VWA8: variants seen among roughly 807,000 people sequenced by gnomAD.
VWA8 encodes the protein von Willebrand factor A domain-containing protein 8.
In VWA8, 221 loss-of-function variants were observed where a neutral mutation model predicts 241.5. The observed-to-expected ratio is 0.91, with a 90% CI of 0.82 to 1.02. The LOEUF is 1.02. Among genes scored for constraint, VWA8 ranks in the 50% least tolerant of loss-of-function variants. The probability of loss-of-function intolerance (pLI) is 0.00; values close to 1 mark genes in which losing one functional copy is unlikely to be tolerated. For missense variants in VWA8, 2,322 were observed against 2,328.7 expected, an observed-to-expected ratio of 1.00 and a Z score of 0.06; for synonymous variants, 852 against 827.1, an observed-to-expected ratio of 1.03 and a Z score of -0.52.
At chr13:41,651,104 T>C (rs1358461923) in intron 37 of VWA8, among the ~76,000 whole-genome samples, 1 of 151,812 alleles carries the variant, frequency 6.6e-6, no homozygotes, top group African/African-American at 2.4e-5. Flanking sequence ...CAATGGAACA[T>C]GTGAGAGAAG....
At chr13:41,775,314 T>A (rs531842868) in intron 20 of VWA8, among the ~76,000 whole-genome samples, 1 of 152,338 alleles carries the variant, frequency 6.6e-6, no homozygotes, top group South Asian at 2.1e-4. Context: ...ACTCTTTTGA[T>A]ATGAAAAGGG....
intron 21 of VWA8, among the ~76,000 whole-genome samples, chr13:41,745,015 A>AT (rs914504434): frequency 6.6e-6 from 1 of 151,242 alleles, no homozygotes; most frequent in African/African-American, 2.4e-5. Flanking sequence ...TTTCTTTGGT[A>AT]TTTTTTTAGT....
intron 17 of VWA8, among the ~76,000 whole-genome samples, chr13:41,798,783 TTCTTA>T (rs1869819255): frequency 6.6e-6 from 1 of 152,172 alleles, no homozygotes; most frequent in Non-Finnish European, 1.5e-5. Flanking sequence ...ATGTTGGATT[TTCTTA>T]TCTTATTCTA....
At chr13:41,840,157 T>C (rs1442971818) in intron 12 of VWA8, among the ~76,000 whole-genome samples, 1 of 152,060 alleles carries the variant, frequency 6.6e-6, no homozygotes, top group East Asian at 1.9e-4. Flanking sequence ...TTCACTCATG[T>C]TTTGGCTGTT....
chr13:41,957,038 C>T (rs1217757979), intron 1 of VWA8, among the ~76,000 whole-genome samples: 2 of 152,096 alleles, frequency 1.3e-5, no homozygotes, highest in Admixed American at 6.5e-5. Flanking sequence ...GTCAGGAGTT[C>T]GAGACCAGCC....
At chr13:41,897,631 C>CG (rs1875180002) in intron 4 of VWA8, among the ~76,000 whole-genome samples, 1 of 151,920 alleles carries the variant, frequency 6.6e-6, no homozygotes, top group African/African-American at 2.4e-5. Context: ...CAGACCCTCG[C>CG]GGTGTGTGTT....
chr13:41,910,158 T>A (rs1875923740), intron 3 of VWA8, among the ~76,000 whole-genome samples: 1 of 152,240 alleles, frequency 6.6e-6, no homozygotes, highest in Non-Finnish European at 1.5e-5. Flanking sequence ...TGTTGCATTT[T>A]TGAACCAACG....
At chr13:41,928,513 G>T (rs1284105847) in intron 2 of VWA8, among the ~76,000 whole-genome samples, 1 of 152,072 alleles carries the variant, frequency 6.6e-6, no homozygotes, top group Non-Finnish European at 1.5e-5. Context: ...GGGCCAAGAA[G>T]AAACCAAAAG....
At chr13:41,580,862 C>A (rs894097426) in intron 42 of VWA8, among the ~76,000 whole-genome samples, 1 of 152,150 alleles carries the variant, frequency 6.6e-6, no homozygotes, top group Non-Finnish European at 1.5e-5. Flanking sequence ...TTCCTACCCC[C>A]CAAATTCTAT....
At chr13:41,827,587 A>T (rs1248742258) in intron 14 of VWA8, among the ~76,000 whole-genome samples, 1 of 152,206 alleles carries the variant, frequency 6.6e-6, no homozygotes, top group African/African-American at 2.4e-5. Flanking sequence ...GTGCATGTTT[A>T]ACAGTGGTAA....
intron 13 of VWA8, among the ~76,000 whole-genome samples, chr13:41,831,999 C>T (rs1416744178): frequency 2.1e-5 from 3 of 142,638 alleles, no homozygotes; most frequent in South Asian, 2.3e-4. Flanking sequence ...GGCGCCATCT[C>T]GGCTCACTGC....
At chr13:41,687,640 G>T (rs2045145751) in intron 34 of VWA8, among the ~76,000 whole-genome samples, 1 of 151,922 alleles carries the variant, frequency 6.6e-6, no homozygotes, top group African/African-American at 2.4e-5. Flanking sequence ...TTTTTCATTT[G>T]TAAAACCTCA....
chr13:41,933,903 A>G (rs1485486661), intron 2 of VWA8, among the ~76,000 whole-genome samples: 1 of 152,006 alleles, frequency 6.6e-6, no homozygotes, highest in Non-Finnish European at 1.5e-5. Context: ...CTCGGTTAAC[A>G]AAGATTTTTT....
At chr13:41,720,400 T>C (rs2045380030) in intron 25 of VWA8, among the ~76,000 whole-genome samples, 1 of 152,154 alleles carries the variant, frequency 6.6e-6, no homozygotes, top group Non-Finnish European at 1.5e-5. Context: ...CTTGATTTCT[T>C]TCCATATATT....
chr13:41,897,508 T>A (rs984281061), intron 4 of VWA8, among the ~76,000 whole-genome samples: 3 of 152,128 alleles, frequency 2.0e-5, no homozygotes, highest in Admixed American at 2.0e-4. Context: ...CTTCAAAAGT[T>A]TAAAAGAGGA....
intron 20 of VWA8, among the ~76,000 whole-genome samples, chr13:41,770,701 G>T (rs948039396): frequency 2.6e-5 from 4 of 151,688 alleles, no homozygotes; most frequent in African/African-American, 9.7e-5. Context: ...AAAACATGAA[G>T]AAAATGAAAA....
chr13:41,749,934 T>C (rs2045641964), intron 21 of VWA8, among the ~76,000 whole-genome samples: 1 of 151,720 alleles, frequency 6.6e-6, no homozygotes, highest in East Asian at 1.9e-4. Context: ...AATGATGAGT[T>C]AGTGGGTGCA....
chr13:41,922,608 T>A (rs966869548), intron 2 of VWA8, among the ~76,000 whole-genome samples: 4 of 152,010 alleles, frequency 2.6e-5, no homozygotes, highest in Admixed American at 2.0e-4. Context: ...AACAACCCGA[T>A]CAACAAGTGG....
At chr13:41,834,112 A>G (rs1871608946) in intron 12 of VWA8, among the ~76,000 whole-genome samples, 1 of 152,266 alleles carries the variant, frequency 6.6e-6, no homozygotes, top group East Asian at 1.9e-4. Context: ...GAGGTACAGG[A>G]ATTGGGAAAC....
Sources: allele counts gnomAD v4.1 joint callset (sites outside exome capture counted in the v4.1 genomes callset), GRCh38; gene constraint gnomAD v4.1.1; transcripts MANE v1.5; gene names NCBI Gene and HGNC (gene_info 2026-07-23, HGNC 2026-07-21).